Variants in CRB1 observed in about 807,000 individuals in gnomAD.
CRB1 encodes protein crumbs homolog 1.
A neutral mutation model predicts 120.0 loss-of-function variants in CRB1; 83 were observed. That is an observed-to-expected ratio of 0.69 (90% CI 0.58 to 0.83). CRB1 has a LOEUF of 0.83. Among genes scored for constraint, CRB1 ranks in the 40% least tolerant of loss-of-function variants. CRB1 has a pLI of 0.00. For missense variants in CRB1, 1,699 were observed against 1,687.6 expected (o/e 1.01, Z -0.12); for synonymous variants, 625 against 612.5 (o/e 1.02, Z -0.30).
intron 5 of CRB1, among the ~76,000 whole-genome samples, chr1:197,359,786 T>C (rs998655707): frequency 2.0e-5 from 3 of 152,182 alleles, no homozygotes; most frequent in Admixed American, 2.0e-4. Flanking sequence ...TTTTTAATAG[T>C]CATGTTGATA....
upstream of CRB1, among the ~76,000 whole-genome samples, chr1:197,264,872 G>T (rs563668639): frequency 1.3e-5 from 2 of 151,718 alleles, no homozygotes; most frequent in East Asian, 3.9e-4. Flanking sequence ...TGATCCACCC[G>T]CCTCAGCCTC....
chr1:197,206,787 T>C, the CRB1 span, among the ~76,000 whole-genome samples: 1 of 152,162 alleles, frequency 6.6e-6, no homozygotes, highest in Non-Finnish European at 1.5e-5. Flanking sequence ...CATTTTTTCT[T>C]TGTTTAATTT....
At chr1:197,234,878 A>G in the CRB1 span, among the ~76,000 whole-genome samples, 3 of 152,232 alleles carry the variant, frequency 2.0e-5, no homozygotes, top group Non-Finnish European at 2.9e-5. Flanking sequence ...ATTACATTAG[A>G]TCCTTTCTTC....
the CRB1 span, among the ~76,000 whole-genome samples, chr1:197,260,941 C>T: frequency 2.0e-5 from 3 of 152,108 alleles, no homozygotes; most frequent in Non-Finnish European, 2.9e-5. Flanking sequence ...GTGATCCACC[C>T]GCCTTGGCCT....
chr1:197,258,343 C>T, the CRB1 span, among the ~76,000 whole-genome samples: 2 of 152,194 alleles, frequency 1.3e-5, no homozygotes, highest in South Asian at 2.1e-4. Flanking sequence ...CCCTCTTAAA[C>T]GTTGCCTCCC....
chr1:197,274,276 G>C (rs1037725441), intron 1 of CRB1, among the ~76,000 whole-genome samples: 3 of 152,064 alleles, frequency 2.0e-5, no homozygotes, highest in African/African-American at 7.2e-5. Flanking sequence ...AACTTTAACT[G>C]TTTAGGTACA....
intron 5 of CRB1, among the ~76,000 whole-genome samples, chr1:197,362,263 C>G (rs1269908900): frequency 6.6e-6 from 1 of 151,946 alleles, no homozygotes; most frequent in Non-Finnish European, 1.5e-5. Flanking sequence ...TGTTTTTTGG[C>G]ACAGGATACA....
chr1:197,253,354 T>G, the CRB1 span, among the ~76,000 whole-genome samples: 1 of 152,134 alleles, frequency 6.6e-6, no homozygotes, highest in South Asian at 2.1e-4. Flanking sequence ...TGAAGTTGTC[T>G]CTGAACTTTT....
At chr1:197,202,853 G>A in the CRB1 span, among the ~76,000 whole-genome samples, 1 of 152,090 alleles carries the variant, frequency 6.6e-6, no homozygotes, top group Non-Finnish European at 1.5e-5. Context: ...CATGAGACAA[G>A]CATAATGATT....
At chr1:197,263,418 G>A (rs1291051705), upstream of CRB1, among the ~76,000 whole-genome samples, 1 of 151,970 alleles carries the variant, frequency 6.6e-6, no homozygotes, top group African/African-American at 2.4e-5. Flanking sequence ...TATAGATTCT[G>A]GATGTAGGAC....
At chr1:197,360,171 C>T (rs990894761) in intron 5 of CRB1, among the ~76,000 whole-genome samples, 1 of 152,228 alleles carries the variant, frequency 6.6e-6, no homozygotes, top group Non-Finnish European at 1.5e-5. Flanking sequence ...GCCTAGAACA[C>T]TTCCTTCCCA....
At chr1:197,338,606 C>T (rs1659283254) in intron 2 of CRB1, among the ~76,000 whole-genome samples, 1 of 151,690 alleles carries the variant, frequency 6.6e-6, no homozygotes, top group Non-Finnish European at 1.5e-5. Flanking sequence ...TAAAATGGTA[C>T]CAAAGAGGAC....
At chr1:197,442,645 A>T in intron 11 of CRB1, 2 of 864,954 alleles carry the variant, frequency 2.3e-6, no homozygotes, top group Non-Finnish European at 3.3e-6. Context: ...AACTAGAAAT[A>T]TCTCCTTATT....
intron 1 of CRB1, among the ~76,000 whole-genome samples, chr1:197,327,091 CAAAAAAAAAAAAAAAA>C (rs71131753): frequency 0.013 from 329 of 25,562 alleles, 1 homozygote; most frequent in African/African-American, 0.057. Context: ...TCTCACACAC[CAAAAAAAAAAAAAAAA>C]AAAAAAAAAA....
intron 11 of CRB1, among the ~76,000 whole-genome samples, chr1:197,446,809 GATA>G (rs745885367): frequency 9.3e-4 from 142 of 152,186 alleles, no homozygotes; most frequent in Non-Finnish European, 1.5e-3. Context: ...AAATTTGGTG[GATA>G]ATATTTTTAA....
At chr1:197,416,003 A>G (rs1013888782) in intron 5 of CRB1, among the ~76,000 whole-genome samples, 1 of 152,140 alleles carries the variant, frequency 6.6e-6, no homozygotes, top group Non-Finnish European at 1.5e-5. Context: ...CTATTTCTAT[A>G]AGACCTTCCC....
chr1:197,430,175 A>G (rs767006773), intron 8 of CRB1, among the ~76,000 whole-genome samples: 3 of 152,200 alleles, frequency 2.0e-5, no homozygotes, highest in Non-Finnish European at 2.9e-5. Flanking sequence ...ACAAAAAACA[A>G]TTTTCCAAAT....
At chr1:197,437,357 C>T (rs944540477) in intron 9 of CRB1, among the ~76,000 whole-genome samples, 1 of 152,050 alleles carries the variant, frequency 6.6e-6, no homozygotes, top group Non-Finnish European at 1.5e-5. Flanking sequence ...AGGTAACCTG[C>T]CTGTTTAAAA....
At chr1:197,298,384 C>A (rs889708786) in intron 1 of CRB1, among the ~76,000 whole-genome samples, 1 of 152,048 alleles carries the variant, frequency 6.6e-6, no homozygotes, top group Non-Finnish European at 1.5e-5. Flanking sequence ...GTACCTCTAA[C>A]AGGTTCTATT....
Sources: gnomAD v4.1 joint callset for allele counts (sites outside exome capture counted in the v4.1 genomes callset) on GRCh38, gnomAD v4.1.1 for gene constraint, MANE v1.5 for transcripts, NCBI Gene and HGNC (gene_info 2026-07-23, HGNC 2026-07-21) for gene names.